The following TYW3 variants were observed in gnomAD, a reference collection of about 807,000 sequenced individuals.
TYW3 encodes the protein tRNA wybutosine-synthesizing protein 3 homolog.
In TYW3, 26 loss-of-function variants were observed where a neutral mutation model predicts 23.1. That is an observed-to-expected ratio of 1.13 (90% CI 0.83 to 1.56). TYW3 has a LOEUF of 1.56. Among genes scored for constraint, TYW3 ranks in the 40% most tolerant of loss-of-function variants. TYW3 has a pLI of 0.00. For missense variants in TYW3, 316 were observed against 311.9 expected, an observed-to-expected ratio of 1.01 and a Z score of -0.10; for synonymous variants, 102 against 105.7, an observed-to-expected ratio of 0.97 and a Z score of 0.21.
intron 4 of TYW3, among the ~76,000 whole-genome samples, 160 bp from the exon 5 acceptor site, chr1:74,752,132 T>C (rs1294203124): frequency 1.3e-5 from 2 of 152,266 alleles, no homozygotes; most frequent in African/African-American, 2.4e-5. Context: ...TAATCTCCTT[T>C]GCTTTAACTG....
At position 74,738,673 on chromosome 1, in the gene TYW3, A is replaced by G. The variant is rs1648238223; in HGVS notation, c.256-17A>G. The G allele has an allele frequency of 6.3e-7, 1 of 1,582,062 alleles. No homozygotes were observed. The highest frequency in any genetic ancestry group is 1.7e-5 in the Admixed American group (1 of 59,396). ...AGGCCATATACTTGCATCTGATACC[A>G]CTGTTCATTTATTTAGATTGTAGCT... is the stretch of plus-strand genomic sequence containing the variant. On this transcript the variant is annotated splice_polypyrimidine_tract_variant and intron_variant, in intron 2 of 5. Coordinates refer to ENST00000370867, the MANE Select transcript of TYW3 (RefSeq NM_138467.3).
At chr1:74,740,255 C>G (rs1191298385) in intron 3 of TYW3, among the ~76,000 whole-genome samples, 1 of 152,098 alleles carries the variant, frequency 6.6e-6, no homozygotes, top group African/African-American at 2.4e-5. Flanking sequence ...TGTTACAGCT[C>G]TTAAAGGTGG....
intron 3 of TYW3, among the ~76,000 whole-genome samples, chr1:74,740,810 G>A (rs1006933454): frequency 3.9e-5 from 6 of 152,240 alleles, no homozygotes; most frequent in African/African-American, 1.4e-4. Context: ...GCGCTAATTG[G>A]TGCGTTTTTA....
Position 74,763,934 on chromosome 1 carries a change from A to G in TYW3, c.601A>G (p.Met201Val). 1 of 1,606,302 alleles carries G rather than the reference A, an allele frequency of 6.2e-7. No homozygotes were observed. Among genetic ancestry groups the G allele is most frequent in the South Asian group, 1.1e-5 (1 of 88,720 alleles). The stretch of plus-strand genomic sequence containing the variant: ...ACAGCATGCTTTGGAAAGGGAAACG[A>G]TGACTAACTTACATCCCAAGATCAA... ...CLQHALERET[M>V]TNLHPKIKEK... is the part of the protein sequence containing the mutation. Residue 201 changes from methionine (M) to valine (V), a missense_variant, in exon 6 of 6, where the codon ATG becomes GTG. Met to Val is a conservative substitution (Grantham distance 21). Coordinates refer to ENST00000370867, the MANE Select transcript of TYW3 (RefSeq NM_138467.3).
rs554077186 is a variant in TYW3 at position 74,743,456 on chromosome 1, A to T, written c.354+4668A>T. Among the ~76,000 whole-genome samples, 40 of 152,214 alleles carry T rather than the reference A, an allele frequency of 2.6e-4. 1 individual carries two copies. In the South Asian group the frequency reaches 8.3e-3, roughly 32 times the overall value. ...CTGCAGCTGATTAGATAATAAACTC[A>T]TCTTTAAGGATCAGTTGACCCTCGA... On this transcript the variant is annotated intron_variant, in intron 3 of 5. Transcript: ENST00000370867.
intron 3 of TYW3, among the ~76,000 whole-genome samples, chr1:74,745,389 T>G (rs991820756): frequency 4.5e-4 from 68 of 152,176 alleles, no homozygotes; most frequent in African/African-American, 1.6e-3. Flanking sequence ...TTGGTCCATT[T>G]TACAGAGTGC....
intron 5 of TYW3, among the ~76,000 whole-genome samples, chr1:74,760,321 T>C (rs1395221029): frequency 4.6e-5 from 7 of 152,196 alleles, no homozygotes; most frequent in Non-Finnish European, 8.8e-5. Flanking sequence ...AATCTGCATG[T>C]AAGTGGACCT....
chr1:74,755,655 C>T (rs1373051010), intron 5 of TYW3, among the ~76,000 whole-genome samples: 1 of 152,136 alleles, frequency 6.6e-6, no homozygotes, highest in African/African-American at 2.4e-5. Context: ...GTATCTGAGT[C>T]ACTGCTTTCA....
intron 5 of TYW3, among the ~76,000 whole-genome samples, chr1:74,753,066 T>C (rs113419242): frequency 6.6e-6 from 1 of 152,250 alleles, no homozygotes; most frequent in African/African-American, 2.4e-5. Context: ...AAAGTTTATA[T>C]ATAAAGTAGT....
At chr1:74,758,950 G>C (rs1010154946) in intron 5 of TYW3, among the ~76,000 whole-genome samples, 1 of 152,154 alleles carries the variant, frequency 6.6e-6, no homozygotes, top group African/African-American at 2.4e-5. Flanking sequence ...AGATAAAGGA[G>C]CTTGAAAGTT....
chr1:74,743,834 C>T (rs932054090), intron 3 of TYW3, among the ~76,000 whole-genome samples: 2 of 152,126 alleles, frequency 1.3e-5, no homozygotes, highest in African/African-American at 4.8e-5. Flanking sequence ...CATTAAAGGC[C>T]AGGGTTTGAT....
chr1:74,739,590 G>A (rs1200300507), intron 3 of TYW3, among the ~76,000 whole-genome samples: 1 of 152,210 alleles, frequency 6.6e-6, no homozygotes, highest in Non-Finnish European at 1.5e-5. Context: ...TCTAGAGAGT[G>A]GAAAGAAGGT....
chr1:74,762,079 A>G (rs901024287), intron 5 of TYW3, among the ~76,000 whole-genome samples: 1 of 152,120 alleles, frequency 6.6e-6, no homozygotes, highest in African/African-American at 2.4e-5. Flanking sequence ...TAATTCATTC[A>G]TTGATAAAAA....
chr1:74,739,574 A>G (rs1648280092), intron 3 of TYW3, among the ~76,000 whole-genome samples: 1 of 152,238 alleles, frequency 6.6e-6, no homozygotes, highest in South Asian at 2.1e-4. Flanking sequence ...ACAAAGTTTC[A>G]GTGGGTCTAG....
chr1:74,752,939 C>T (rs1648838383), intron 5 of TYW3, among the ~76,000 whole-genome samples: 1 of 152,080 alleles, frequency 6.6e-6, no homozygotes, highest in African/African-American at 2.4e-5. Context: ...CCATAACTTT[C>T]TAAATAGGAA....
At chr1:74,750,787 C>T (rs1415274662) in intron 4 of TYW3, among the ~76,000 whole-genome samples, 2 of 144,058 alleles carry the variant, frequency 1.4e-5, no homozygotes, top group African/African-American at 5.1e-5. Context: ...CTCTCCCTTT[C>T]TCTCCCCCGC....
chr1:74,739,844 G>A (rs1244482770), intron 3 of TYW3, among the ~76,000 whole-genome samples: 1 of 152,208 alleles, frequency 6.6e-6, no homozygotes, highest in Non-Finnish European at 1.5e-5. Context: ...TAGCACCAAA[G>A]CAGGTGAGAA....
chr1:74,743,744 G>A (rs760471016), intron 3 of TYW3, among the ~76,000 whole-genome samples: 4 of 152,024 alleles, frequency 2.6e-5, no homozygotes, highest in East Asian at 1.9e-4. Context: ...CCCTTTCTTC[G>A]GCTGTCATTC....
intron 3 of TYW3, among the ~76,000 whole-genome samples, chr1:74,746,917 G>T (rs1440168707): frequency 6.6e-6 from 1 of 152,204 alleles, no homozygotes; most frequent in African/African-American, 2.4e-5. Context: ...GCCAGGAAAA[G>T]AGTAGTCCTG....
Sources: gnomAD v4.1 joint callset for allele counts (sites outside exome capture counted in the v4.1 genomes callset) on GRCh38, gnomAD v4.1.1 for gene constraint, MANE v1.5 for transcripts, NCBI Gene and HGNC (gene_info 2026-07-23, HGNC 2026-07-21) for gene names.